Variants in GASK1A observed in about 807,000 individuals in gnomAD.
GASK1A encodes Golgi-associated kinase 1A.
A neutral mutation model predicts 41.2 loss-of-function variants in GASK1A; 40 were observed. The ratio of observed to expected loss-of-function variants is 0.97; its 90% CI spans 0.75 to 1.27. The LOEUF is 1.27. Ranked by LOEUF, GASK1A falls within the 50% of genes most tolerant of loss-of-function variation. GASK1A has a pLI of 0.00. For missense variants in GASK1A, 678 were observed against 745.1 expected (o/e 0.91, Z 1.05); for synonymous variants, 316 against 307.1 (o/e 1.03, Z -0.30).
rs905559397 is a variant in GASK1A at position 43,056,682 on chromosome 3, G to A, written c.*296G>A. 4 of 278,428 alleles carry A rather than the reference G, an allele frequency of 1.4e-5. No individual in the cohort carries two copies. Among genetic ancestry groups the A allele is most frequent in the Admixed American group, 9.2e-5 (2 of 21,704 alleles). 17.2% of individuals were successfully genotyped at this position (278,428 alleles called of 1,614,324 possible). ...TGTGATGCACGTGCATATGCAGAGT[G>A]GGAGAACTTTGTGTGTGTGTAGAGG... On this transcript the variant is annotated 3_prime_UTR_variant, in exon 5 of 5. Transcript: ENST00000430121.
At chr3:43,014,417 C>G (rs973402107) in intron 1 of GASK1A, among the ~76,000 whole-genome samples, 3 of 150,436 alleles carry the variant, frequency 2.0e-5, no homozygotes, top group African/African-American at 7.3e-5. Context: ...CAAGAAGGGG[C>G]AGTCTGAAGC....
chr3:43,028,748 A>G (rs1330310951), intron 1 of GASK1A, among the ~76,000 whole-genome samples: 1 of 152,220 alleles, frequency 6.6e-6, no homozygotes, highest in Non-Finnish European at 1.5e-5. Flanking sequence ...GGACCACACA[A>G]CTTACAAGGA....
In GASK1A at chr3:43,057,264, C is replaced by G. The variant is rs901333543; in HGVS notation, c.*878C>G. The G allele has an allele frequency of 6.6e-6, 1 of 152,192 alleles. No individual in the cohort carries two copies. The highest frequency in any genetic ancestry group is 2.4e-5 in the African/African-American group (1 of 41,444). The allele number at this position is 152,192 out of a possible 1,614,324, so 9.4% of individuals were successfully genotyped here. A position where few individuals can be genotyped will look rare whatever the true frequency, so the allele number is the denominator to read the frequency against. On this transcript the variant is annotated 3_prime_UTR_variant, in exon 5 of 5. Coordinates refer to ENST00000430121, the MANE Select transcript of GASK1A (RefSeq NM_001129908.3). ...AATTTTTCATCAATTACAGACATTG[C>G]CGCCATGAACATGATTGCATGGCGT...
At position 43,032,683 on chromosome 3, in the gene GASK1A, G is replaced by A; in HGVS notation, c.420G>A (p.Glu140=). 3 of 1,551,726 alleles carry A rather than the reference G, an allele frequency of 1.9e-6. No individual in the cohort carries two copies. Among genetic ancestry groups the A allele is most frequent in the Non-Finnish European group, 2.6e-6 (3 of 1,146,998 alleles). The part of the protein sequence containing the change: ...LSTQHVVLLR[E]DEVGDPGTKD... ...CTCAGCATGTTGTGCTCCTGAGGGA[G>A]GATGAGGTTGGAGATCCAGGAACCA... The change falls in exon 2 of 5, where the codon GAG becomes GAA. Residue 140 remains glutamate, a synonymous_variant. Coordinates refer to ENST00000430121, the MANE Select transcript of GASK1A (RefSeq NM_001129908.3).
At position 43,032,351 on chromosome 3, in the gene GASK1A, G is replaced by A. The variant is rs143001418; in HGVS notation, c.88G>A (p.Val30Ile). 3.6e-4 allele frequency: 556 copies of A among 1,551,474 alleles called. 2 individuals are homozygous for A. The Middle Eastern group carries it at 5.2e-3, about 14-fold the overall frequency. ...CLLMILSAMA[V>I]TRFPPQRPSA... ...CTTGATGATCCTATCTGCGATGGCT[G>A]TCACCCGCTTTCCCCCACAGCGTCC... The change falls in exon 2 of 5, where the codon GTC becomes ATC. Residue 30 changes from valine to isoleucine, a missense_variant. Physicochemically the swap from Val to Ile is conservative, Grantham distance 29. Coordinates refer to ENST00000430121, the MANE Select transcript of GASK1A (RefSeq NM_001129908.3).
At chr3:43,048,027 A>G (rs1170954920) in intron 2 of GASK1A, among the ~76,000 whole-genome samples, 1 of 152,200 alleles carries the variant, frequency 6.6e-6, no homozygotes, top group African/African-American at 2.4e-5. Context: ...AAAACCATCC[A>G]AAAAAGATTC....
chr3:42,982,068 G>T (rs546247657), intron 1 of GASK1A, among the ~76,000 whole-genome samples: 1 of 152,246 alleles, frequency 6.6e-6, no homozygotes, highest in South Asian at 2.1e-4. Context: ...AAAGAAAAAA[G>T]AAAAGAGCAT....
intron 2 of GASK1A, among the ~76,000 whole-genome samples, chr3:43,050,351 C>A (rs1050313155): frequency 6.6e-6 from 1 of 151,946 alleles, no homozygotes; most frequent in African/African-American, 2.4e-5. Flanking sequence ...GAATGTTATT[C>A]CTCTGCCTTT....
chr3:43,053,732 C>A, intron 3 of GASK1A, 89 bp downstream of exon 3: 1 of 1,420,992 alleles, frequency 7.0e-7, no homozygotes, highest in Non-Finnish European at 9.7e-7. Context: ...TTTCAGAGAT[C>A]AGTTGATGCT....
At chr3:43,036,267 A>AC (rs1346355654) in intron 2 of GASK1A, among the ~76,000 whole-genome samples, 5 of 151,898 alleles carry the variant, frequency 3.3e-5, no homozygotes, top group African/African-American at 7.3e-5. Context: ...CAAGTCAAGC[A>AC]CCCCCCGTCT....
chr3:42,986,660 C>T (rs569162279), intron 1 of GASK1A, among the ~76,000 whole-genome samples: 199 of 152,214 alleles, frequency 1.3e-3, no homozygotes, highest in Non-Finnish European at 2.0e-3. Flanking sequence ...TGGGTGCTCG[C>T]CCCACCAGCT....
intron 1 of GASK1A, among the ~76,000 whole-genome samples, chr3:42,987,772 A>G (rs1027256260): frequency 1.3e-5 from 2 of 151,896 alleles, no homozygotes; most frequent in Non-Finnish European, 2.9e-5. Context: ...GCTGAGGTGG[A>G]CAGATCACCT....
chr3:43,048,221 G>T (rs1232844678), intron 2 of GASK1A, among the ~76,000 whole-genome samples: 1 of 152,166 alleles, frequency 6.6e-6, no homozygotes, highest in Non-Finnish European at 1.5e-5. Flanking sequence ...GATAAGATTG[G>T]TGAAGATGCT....
intron 2 of GASK1A, among the ~76,000 whole-genome samples, chr3:43,034,553 C>A (rs1235632117): frequency 6.6e-6 from 1 of 152,144 alleles, no homozygotes; most frequent in African/African-American, 2.4e-5. Context: ...GATGTGTGCA[C>A]CAAATGGACA....
intron 1 of GASK1A, among the ~76,000 whole-genome samples, chr3:43,028,938 G>A (rs980953887): frequency 6.6e-6 from 1 of 152,028 alleles, no homozygotes; most frequent in Non-Finnish European, 1.5e-5. Context: ...GGGTGTCCAA[G>A]CAGGGCTTTG....
At chr3:43,051,359 T>C (rs1276771800) in intron 2 of GASK1A, among the ~76,000 whole-genome samples, 2 of 152,220 alleles carry the variant, frequency 1.3e-5, no homozygotes, top group Admixed American at 1.3e-4. Context: ...GTAAGTCTCC[T>C]AGTCTTTGCC....
chr3:43,052,946 G>A (rs1178294713), intron 2 of GASK1A, among the ~76,000 whole-genome samples: 2 of 152,226 alleles, frequency 1.3e-5, no homozygotes, highest in South Asian at 2.1e-4. Flanking sequence ...CTAAAATGCT[G>A]TGGGTGTCAT....
At position 43,056,332 on chromosome 3, in the gene GASK1A, G is replaced by A; in HGVS notation, c.1674G>A (p.Leu558=). ...LQTLEQRGQV[L]LGHIQKHNLT... is the part of the protein sequence containing the mutation. ...CCCTGGAGCAGCGAGGACAGGTGCT[G>A]CTGGGACACATCCAAAAGCACAACC... The change falls in exon 5 of 5, where the codon CTG becomes CTA. Residue 558 remains leucine (L), a synonymous_variant. Transcript: ENST00000430121. The A allele has an allele frequency of 6.4e-7, 1 of 1,551,408 alleles. No individual in the cohort carries two copies. Among genetic ancestry groups the A allele is most frequent in the Non-Finnish European group, 8.7e-7 (1 of 1,146,996 alleles).
intron 1 of GASK1A, among the ~76,000 whole-genome samples, chr3:42,985,546 C>CGTGTGTGTGTGTGT (rs56195274): frequency 1.3e-4 from 17 of 134,702 alleles, no homozygotes; most frequent in Admixed American, 8.1e-4. Context: ...CCTGTGCATA[C>CGTGTGTGTGTGTGT]GTGTGTGTGT....
Sources: allele counts gnomAD v4.1 joint callset (sites outside exome capture counted in the v4.1 genomes callset), GRCh38; gene constraint gnomAD v4.1.1; transcripts MANE v1.5; gene names NCBI Gene and HGNC (gene_info 2026-07-23, HGNC 2026-07-21).